The following GNAL variants were observed in gnomAD, a reference collection of about 807,000 sequenced individuals.
GNAL encodes the protein G protein subunit alpha L.
In GNAL, 18 loss-of-function variants were observed where a neutral mutation model predicts 55.1. The ratio of observed to expected loss-of-function variants is 0.33; its 90% CI spans 0.23 to 0.48. The LOEUF is 0.48. GNAL is among the 20% of genes least tolerant of loss of function. The pLI is 0.99. For missense variants in GNAL, 412 were observed against 614.1 expected, an observed-to-expected ratio of 0.67 and a Z score of 3.48; for synonymous variants, 253 against 237.0, an observed-to-expected ratio of 1.07 and a Z score of -0.62.
chr18:11,711,084 C>A (rs1287674423), intron 1 of GNAL, among the ~76,000 whole-genome samples: 1 of 152,102 alleles, frequency 6.6e-6, no homozygotes. Flanking sequence ...ACCGTGTTAG[C>A]CAGGATGGTC....
intron 10 of GNAL, among the ~76,000 whole-genome samples, chr18:11,874,716 C>T (rs1290562835): frequency 6.7e-6 from 1 of 149,516 alleles, no homozygotes; most frequent in African/African-American, 2.5e-5. Context: ...ATGTCAGTGA[C>T]CCCCACCCCC....
chr18:11,758,408 G>A (rs1241439641), intron 4 of GNAL, among the ~76,000 whole-genome samples: 1 of 152,078 alleles, frequency 6.6e-6, no homozygotes, highest in African/African-American at 2.4e-5. Context: ...TTGTGACCTC[G>A]AGCTCACGTG....
chr18:11,786,395 G>A (rs1477468590), intron 4 of GNAL, among the ~76,000 whole-genome samples: 3 of 147,104 alleles, frequency 2.0e-5, no homozygotes, highest in Non-Finnish European at 4.5e-5. Flanking sequence ...TCTTTTACAC[G>A]TGGCTGAAGA....
chr18:11,878,720 C>G lies in GNAL; in HGVS notation c.1230+2032C>G, dbSNP rs551666744. On this transcript the variant is annotated intron_variant, in intron 11 of 11. Transcript: ENST00000334049. The stretch of plus-strand genomic sequence containing the variant: ...GAGTAGCTGGGACTACAGGCACACA[C>G]CACCGCACCCGGCTAATTTTTAAAT... Among the ~76,000 whole-genome samples, 3 of 152,166 alleles carry G rather than the reference C, an allele frequency of 2.0e-5. No homozygotes were observed. The South Asian group carries it at 6.2e-4, about 32-fold the overall frequency.
At chr18:11,872,245 T>C (rs758442099) in intron 9 of GNAL, 23 bp from the exon 10 acceptor site, 1 of 1,530,768 alleles carries the variant, frequency 6.5e-7, no homozygotes, top group Non-Finnish European at 8.9e-7. Flanking sequence ...GTGAAATTTG[T>C]ATGTTTATTT....
chr18:11,735,404 G>T (rs2032439306), intron 1 of GNAL, among the ~76,000 whole-genome samples: 1 of 152,110 alleles, frequency 6.6e-6, no homozygotes, highest in South Asian at 2.1e-4. Context: ...AATGAAGAGA[G>T]TGATGATAAG....
chr18:11,732,699 G>A (rs2032366931), intron 1 of GNAL, among the ~76,000 whole-genome samples: 1 of 152,166 alleles, frequency 6.6e-6, no homozygotes, highest in African/African-American at 2.4e-5. Flanking sequence ...TTCTAAATAT[G>A]GATCTTCCCA....
At chr18:11,805,646 G>A (rs557253578) in intron 4 of GNAL, among the ~76,000 whole-genome samples, 2 of 152,212 alleles carry the variant, frequency 1.3e-5, no homozygotes, top group African/African-American at 4.8e-5. Context: ...CCTTAAGATA[G>A]TGACCTCCAG....
chr18:11,800,213 A>G (rs1016921435), intron 4 of GNAL, among the ~76,000 whole-genome samples: 4 of 152,120 alleles, frequency 2.6e-5, no homozygotes, highest in African/African-American at 9.7e-5. Flanking sequence ...GGGTGAGTGG[A>G]TGGATGGATA....
At chr18:11,735,376 A>G (rs1222879591) in intron 1 of GNAL, among the ~76,000 whole-genome samples, 1 of 152,096 alleles carries the variant, frequency 6.6e-6, no homozygotes, top group African/African-American at 2.4e-5. Flanking sequence ...AAGTGGTATT[A>G]ATAAGTGAGT....
At chr18:11,789,149 A>T (rs1043346699) in intron 4 of GNAL, among the ~76,000 whole-genome samples, 1 of 151,064 alleles carries the variant, frequency 6.6e-6, no homozygotes, top group Non-Finnish European at 1.5e-5. Flanking sequence ...ACCTCTGCCA[A>T]CCCTGCCACA....
chr18:11,742,126 A>G (rs546337508), intron 1 of GNAL, among the ~76,000 whole-genome samples: 2 of 152,310 alleles, frequency 1.3e-5, no homozygotes, highest in Admixed American at 1.3e-4. Flanking sequence ...ATTTTTGTAC[A>G]GTTCCTAGTA....
intron 1 of GNAL, among the ~76,000 whole-genome samples, chr18:11,733,677 A>T (rs934115309): frequency 2.6e-5 from 4 of 152,140 alleles, no homozygotes; most frequent in Non-Finnish European, 5.9e-5. Flanking sequence ...CAAATGCCAC[A>T]TGTTCTCATA....
chr18:11,778,379 T>C (rs887566849), intron 4 of GNAL, among the ~76,000 whole-genome samples: 1 of 152,206 alleles, frequency 6.6e-6, no homozygotes, highest in African/African-American at 2.4e-5. Context: ...TTTTTAGTTA[T>C]TTCTTCAAAA....
intron 1 of GNAL, among the ~76,000 whole-genome samples, chr18:11,706,156 A>T (rs1315737111): frequency 6.6e-6 from 1 of 151,912 alleles, no homozygotes; most frequent in Non-Finnish European, 1.5e-5. Context: ...TTCAGAGATT[A>T]ACCCCTTATC....
At position 11,741,176 on chromosome 18, in the gene GNAL, G is replaced by A. The variant is rs546654537; in HGVS notation, c.377-11677G>A. Among the ~76,000 whole-genome samples, 7 of 152,272 alleles carry A rather than the reference G, an allele frequency of 4.6e-5. No homozygotes were observed. In the East Asian group the frequency reaches 1.4e-3, roughly 29 times the overall value. On this transcript the variant is annotated intron_variant, in intron 1 of 11. Coordinates refer to ENST00000334049, the MANE Select transcript of GNAL (RefSeq NM_182978.4). ...TAGGCTTCTTTGATTTTTCCTTTTG[G>A]AATTAGTAGAAGAGAGAAGGGTGTA...
At chr18:11,768,487 G>A (rs560248948) in intron 4 of GNAL, among the ~76,000 whole-genome samples, 254 of 152,002 alleles carry the variant, frequency 1.7e-3, no homozygotes, top group Non-Finnish European at 2.6e-3. Flanking sequence ...TGTAATCCCA[G>A]CTACTCAGGC....
intron 4 of GNAL, among the ~76,000 whole-genome samples, chr18:11,787,301 A>G (rs752433806): frequency 6.6e-6 from 1 of 152,176 alleles, no homozygotes; most frequent in Non-Finnish European, 1.5e-5. Flanking sequence ...TGCATTTTAC[A>G]TCTCCTTAGG....
At chr18:11,707,201 T>G (rs926715503) in intron 1 of GNAL, among the ~76,000 whole-genome samples, 2 of 152,228 alleles carry the variant, frequency 1.3e-5, no homozygotes, top group Non-Finnish European at 2.9e-5. Context: ...TTTACTTTGC[T>G]TAGGTCCATT....
Sources: allele counts gnomAD v4.1 joint callset (sites outside exome capture counted in the v4.1 genomes callset), GRCh38; gene constraint gnomAD v4.1.1; transcripts MANE v1.5; gene names NCBI Gene and HGNC (gene_info 2026-07-23, HGNC 2026-07-21).